The following ARHGAP39 variants were observed in gnomAD, a reference collection of about 807,000 sequenced individuals.
ARHGAP39 encodes rho GTPase-activating protein 39.
A neutral mutation model predicts 106.9 loss-of-function variants in ARHGAP39; 44 were observed. The observed-to-expected ratio is 0.41, with a 90% CI of 0.32 to 0.53. The LOEUF (loss-of-function observed/expected upper bound fraction) is 0.53, where lower values mean the gene tolerates loss of function less well. Ranked by LOEUF, ARHGAP39 falls within the 20% of genes least tolerant of loss-of-function variation. The pLI, the probability that ARHGAP39 is intolerant of heterozygous loss-of-function variation, is 0.21. For synonymous variants in ARHGAP39, 768 were observed against 693.2 expected (o/e 1.11, Z -1.69); for missense variants, 1,496 against 1,577.3 (o/e 0.95, Z 0.87).
At position 144,548,409 on chromosome 8, in the gene ARHGAP39, G is replaced by A. The variant is rs573469252; in HGVS notation, c.677C>T (p.Ala226Val). The change falls in exon 5 of 12, where the codon GCC becomes GTC. Residue 226 changes from alanine (A) to valine (V), a missense_variant. Ala to Val is a moderately conservative substitution (Grantham distance 64). This residue lies in a region of ARHGAP39 where 905 missense variants were observed against 816.4 expected (regional missense o/e 1.11). Coordinates refer to ENST00000377307, the MANE Select transcript of ARHGAP39 (RefSeq NM_025251.3). This position sits in a 1 kb window ranked among gnomAD's most constrained non-coding sequence, Gnocchi z 7.4. ...TGGGGCGTAGCCATTGCCCTGGGCG[G>A]CGAGGAAGCTGGGCTCCCGATCAGC... ...KVADREPSFL[A>V]AQGNGYAPDG... is the part of the protein sequence containing the mutation. 6.2e-6 allele frequency: 10 copies of A among 1,610,684 alleles called. No individual in the cohort carries two copies. In the South Asian group the frequency reaches 1.1e-4, roughly 18 times the overall value.
upstream of ARHGAP39, among the ~76,000 whole-genome samples, chr8:144,685,932 C>A (rs1323087035): frequency 6.6e-6 from 1 of 150,594 alleles, no homozygotes; most frequent in African/African-American, 2.4e-5. Context: ...CGCCAGGGGG[C>A]ACTGCCTCGC....
At chr8:144,694,875 A>T in the ARHGAP39 span, among the ~76,000 whole-genome samples, 2 of 152,158 alleles carry the variant, frequency 1.3e-5, no homozygotes, top group African/African-American at 4.8e-5. Context: ...GGGATGTCGT[A>T]GGCAGGAGTT....
chr8:144,539,205 G>C (rs1435324224), intron 6 of ARHGAP39, among the ~76,000 whole-genome samples: 3 of 152,174 alleles, frequency 2.0e-5, no homozygotes, highest in Non-Finnish European at 4.4e-5. Flanking sequence ...GGAAGCCCCT[G>C]TGTGCACGCT....
At chr8:144,689,952 G>A (rs1822710655), upstream of ARHGAP39, among the ~76,000 whole-genome samples, 1 of 151,238 alleles carries the variant, frequency 6.6e-6, no homozygotes, top group Non-Finnish European at 1.5e-5. Context: ...TCACCACGTT[G>A]GCCAGTCTGG....
rs1310452903 is a variant in ARHGAP39 at position 144,622,896 on chromosome 8, CCAG to C, written c.-81-17204_-81-17202del. Among the ~76,000 whole-genome samples the C allele has an allele frequency of 7.2e-5, 11 of 152,206 alleles. 1 individual carries two copies. The highest frequency in any genetic ancestry group is 5.2e-4 in the Admixed American group (8 of 15,278). On this transcript the variant is annotated intron_variant, in intron 1 of 11. Coordinates refer to ENST00000377307, the MANE Select transcript of ARHGAP39 (RefSeq NM_025251.3). ...GGCTGGGCCAGGCCTGGTTGCTGAT[CCAG>C]TTACTGCCGGGGGACGCCCCAAGGC... is the stretch of plus-strand genomic sequence containing the variant.
At chr8:144,651,879 C>T (rs1821582443) in intron 1 of ARHGAP39, among the ~76,000 whole-genome samples, 1 of 151,916 alleles carries the variant, frequency 6.6e-6, no homozygotes. Flanking sequence ...CAGGCACCAA[C>T]GGAACGAATG....
intron 3 of ARHGAP39, among the ~76,000 whole-genome samples, chr8:144,572,953 T>A (rs542989463): frequency 6.6e-6 from 1 of 152,282 alleles, no homozygotes; most frequent in Admixed American, 6.5e-5. Flanking sequence ...ATGGCGATCA[T>A]TAAAAAGTCA....
upstream of ARHGAP39, among the ~76,000 whole-genome samples, chr8:144,687,006 T>TGACCACACACTAGCGGTGAGCAC: frequency 4.8e-5 from 1 of 20,658 alleles, no homozygotes; most frequent in African/African-American, 1.8e-4. Flanking sequence ...GCGGCGACCA[T>TGACCACACACTAGCGGTGAGCAC]TTCCCACCCC....
chr8:144,606,427 G>A (rs892413017), intron 1 of ARHGAP39, among the ~76,000 whole-genome samples: 4 of 152,170 alleles, frequency 2.6e-5, no homozygotes, highest in African/African-American at 7.2e-5. Context: ...CCACTTCCAC[G>A]TAATGACAGT....
At chr8:144,682,290 C>T (rs1381308275) in intron 1 of ARHGAP39, among the ~76,000 whole-genome samples, 8 of 144,714 alleles carry the variant, frequency 5.5e-5, no homozygotes, top group African/African-American at 2.1e-4. Context: ...TGGCTCACTC[C>T]TGTAATCCCA....
intron 1 of ARHGAP39, among the ~76,000 whole-genome samples, chr8:144,630,889 T>A (rs1456793327): frequency 6.6e-6 from 1 of 152,278 alleles, no homozygotes; most frequent in African/African-American, 2.4e-5. Context: ...ATTCTTGCAT[T>A]GCTATAAAGC....
chr8:144,551,678 C>T (rs1381689815), intron 4 of ARHGAP39, among the ~76,000 whole-genome samples: 2 of 152,128 alleles, frequency 1.3e-5, no homozygotes, highest in Admixed American at 6.5e-5. Flanking sequence ...GCCTGCATTC[C>T]CCCAACCCCA....
At chr8:144,636,776 CTTG>C (rs1821182281) in intron 1 of ARHGAP39, among the ~76,000 whole-genome samples, 1 of 152,210 alleles carries the variant, frequency 6.6e-6, no homozygotes, top group Non-Finnish European at 1.5e-5. Flanking sequence ...CATTTACCAC[CTTG>C]TTTTGGTAAG....
At position 144,547,181 on chromosome 8, in the gene ARHGAP39, G is replaced by A. The variant is rs1302588869; in HGVS notation, c.1905C>T (p.Ser635=). The A allele has an allele frequency of 1.9e-6, 3 of 1,611,904 alleles. No individual in the cohort carries two copies. The highest frequency in any genetic ancestry group is 3.3e-5 in the Admixed American group (2 of 59,906). Residue 635 remains serine (S), a synonymous_variant, in exon 5 of 12, where the codon AGC becomes AGT. Transcript: ENST00000377307. The surrounding 1 kb of genome is among the most constrained non-coding windows in gnomAD (Gnocchi z 5.2). The part of the protein sequence containing the change: ...LGFPQILLEK[S]VSVQTNLASP... ...AGGCCAGGTTGGTCTGCACGGAGAC[G>A]CTCTTCTCCAGCAGGATCTGGGGGA...
chr8:144,599,439 G>A (rs772877952), intron 2 of ARHGAP39, among the ~76,000 whole-genome samples: 1 of 152,114 alleles, frequency 6.6e-6, no homozygotes, highest in Non-Finnish European at 1.5e-5. Context: ...GAATGAAGGG[G>A]AAATAAGAAA....
At chr8:144,535,391 C>T (rs753634663) in intron 7 of ARHGAP39, among the ~76,000 whole-genome samples, 1 of 152,158 alleles carries the variant, frequency 6.6e-6, no homozygotes, top group Non-Finnish European at 1.5e-5. Context: ...CAGGTCTTGG[C>T]AGAGGATGTG....
intron 3 of ARHGAP39, among the ~76,000 whole-genome samples, chr8:144,566,711 TG>T (rs1287071197): frequency 6.6e-6 from 1 of 151,838 alleles, no homozygotes; most frequent in East Asian, 1.9e-4. Context: ...CAAAATTAGC[TG>T]GGCATGGTGG....
At chr8:144,537,612 C>T in intron 7 of ARHGAP39, 109 bp downstream of exon 7, 1 of 904,496 alleles carries the variant, frequency 1.1e-6, no homozygotes, top group Non-Finnish European at 1.7e-6. Context: ...GGTTAGTGGC[C>T]CCATCCCCCC....
chr8:144,674,144 G>T (rs1201136170), intron 1 of ARHGAP39, among the ~76,000 whole-genome samples: 1 of 149,732 alleles, frequency 6.7e-6, no homozygotes, highest in Non-Finnish European at 1.5e-5. Flanking sequence ...CGGTGGTCGG[G>T]GGGAGTGTGT....
Sources: allele counts gnomAD v4.1 joint callset (sites outside exome capture counted in the v4.1 genomes callset), GRCh38; gene constraint gnomAD v4.1.1; regional missense constraint gnomAD v4.1.1; non-coding constraint Gnocchi (gnomAD v3.1); transcripts MANE v1.5; gene names NCBI Gene and HGNC (gene_info 2026-07-23, HGNC 2026-07-21).